FAAP20: variants seen among roughly 807,000 people sequenced by gnomAD.
The protein encoded by FAAP20 is Fanconi anemia core complex-associated protein 20.
Under a neutral mutation model 16.2 loss-of-function variants are expected in FAAP20, and 12 were observed. The observed-to-expected ratio is 0.74, with a 90% confidence interval of 0.48 to 1.20. FAAP20 has a LOEUF of 1.20. FAAP20 is among the 50% of genes most tolerant of loss of function. The pLI is 0.00. For synonymous variants in FAAP20, 141 were observed against 110.7 expected, an observed-to-expected ratio of 1.27 and a Z score of -1.72; for missense variants, 288 against 245.8, an observed-to-expected ratio of 1.17 and a Z score of -1.15.
chr1:2,184,503 A>G (rs928981675), downstream of FAAP20: 2 of 1,001,558 alleles, frequency 2.0e-6, no homozygotes, highest in Admixed American at 2.4e-5. Flanking sequence ...TCATTTTGTG[A>G]TTGAAGTGCG....
chr1:2,206,848 A>G (rs78462394), intron 1 of FAAP20, among the ~76,000 whole-genome samples: 1 of 149,592 alleles, frequency 6.7e-6, no homozygotes, highest in Non-Finnish European at 1.5e-5. Flanking sequence ...AAAAAAAAAA[A>G]GGCTCTGGGA....
rs1687921568 is a variant in FAAP20, at chr1:2,189,576, G to A, written c.*133C>T. The A allele has an allele frequency of 1.3e-6, 1 of 754,214 alleles. No individual in the cohort carries two copies. The highest frequency in any genetic ancestry group is 2.3e-6 in the Non-Finnish European group (1 of 426,518). 46.7% of individuals were successfully genotyped at this position (754,214 alleles called of 1,614,324 possible). ...CATCACAACACAGAGACAGACAGGA[G>A]CCCGCCCTGCTTTAATGCGCATGCG... On this transcript the variant is annotated 3_prime_UTR_variant, in exon 4 of 4. Transcript: ENST00000378546.
At chr1:2,187,590 T>C (rs1018426222), downstream of FAAP20, among the ~76,000 whole-genome samples, 2 of 152,154 alleles carry the variant, frequency 1.3e-5, no homozygotes, top group African/African-American at 2.4e-5. Flanking sequence ...AGGCGTGAGC[T>C]ACCGCGCCCG....
chr1:2,190,798 C>A (rs576199602), intron 3 of FAAP20: 5 of 239,828 alleles, frequency 2.1e-5, no homozygotes, highest in Middle Eastern at 1.6e-3. Flanking sequence ...GACACGTGTC[C>A]CTGTGTCCAC....
upstream of FAAP20, among the ~76,000 whole-genome samples, chr1:2,195,633 C>A (rs1688785209): frequency 6.6e-6 from 1 of 152,208 alleles, no homozygotes; most frequent in Non-Finnish European, 1.5e-5. Flanking sequence ...CTGTTCCTAC[C>A]CCTCACCTGG....
At chr1:2,186,283 G>A (rs1687577318), downstream of FAAP20, 1 of 279,354 alleles carries the variant, frequency 3.6e-6, no homozygotes, top group Non-Finnish European at 7.4e-6. Flanking sequence ...CCCAAGTTAG[G>A]AGGTCTGTGC....
chr1:2,192,454 G>A lies in FAAP20; in HGVS notation c.470+1185C>T, dbSNP rs536751860. ...AGCTCAAAATGGCAAGTTTTTCCTCGTGAACGTCCTTGTCTTCAGAAGTCT... is the reference window on the plus strand; with the variant it reads ...AGCTCAAAATGGCAAGTTTTTCCTCATGAACGTCCTTGTCTTCAGAAGTCT... On this transcript the variant is annotated intron_variant, in intron 3 of 3. Coordinates refer to ENST00000378546, the MANE Select transcript of FAAP20 (RefSeq NM_182533.4). 1.0e-5 allele frequency: 10 copies of A among 995,630 alleles called. No individual in the cohort carries two copies. The South Asian group carries it at 1.3e-4, about 13-fold the overall frequency. The allele number at this position is 995,630 out of a possible 1,614,324, so 61.7% of individuals were successfully genotyped here.
At chr1:2,199,285 A>C (rs1688948156), upstream of FAAP20, 1 of 1,066,074 alleles carries the variant, frequency 9.4e-7, no homozygotes, top group Non-Finnish European at 1.1e-6. This position sits in a 1 kb window ranked among gnomAD's most constrained non-coding sequence, Gnocchi z 4.5. Context: ...CCTGTCCTCC[A>C]TCCCCACGTG....
downstream of FAAP20, chr1:2,185,172 G>A: frequency 1.3e-6 from 1 of 744,034 alleles, no homozygotes; most frequent in Admixed American, 2.0e-5. Flanking sequence ...GCTGGGAGCA[G>A]AACAGTCCCT....
At chr1:2,187,301 T>C (rs1013648823), downstream of FAAP20, 2 of 407,164 alleles carry the variant, frequency 4.9e-6, no homozygotes, top group Non-Finnish European at 9.9e-6. Flanking sequence ...TTTTTTCTTT[T>C]TCTTTTTTTT....
intron 3 of FAAP20, among the ~76,000 whole-genome samples, chr1:2,206,066 G>T (rs1057396632): frequency 1.3e-5 from 2 of 152,368 alleles, no homozygotes; most frequent in Admixed American, 1.3e-4. Flanking sequence ...CATTACGTTC[G>T]CATGGCCACT....
rs544754432 is a variant in FAAP20, at chr1:2,189,598, T to TGCGGGGGAGCCGAGAGGCGGGGCTGCTG, written c.*83_*110dup. On this transcript the variant is annotated 3_prime_UTR_variant, in exon 4 of 4. Transcript: ENST00000378546. The stretch of plus-strand genomic sequence containing the variant: ...GGAGCCCGCCCTGCTTTAATGCGCA[T>TGCGGGGGAGCCGAGAGGCGGGGCTGCTG]GCGGGGGAGCCGAGAGGCGGGGCTG... The TGCGGGGGAGCCGAGAGGCGGGGCTGCTG allele has an allele frequency of 1.5e-3, 1,338 of 867,246 alleles. 11 individuals carry two copies. Among genetic ancestry groups the TGCGGGGGAGCCGAGAGGCGGGGCTGCTG allele is most frequent in the South Asian group, 1.6e-3 (119 of 73,552 alleles). The allele number at this position is 867,246 out of a possible 1,614,324, so 53.7% of individuals were successfully genotyped here. A position where few individuals can be genotyped will look rare whatever the true frequency, so the allele number is the denominator to read the frequency against.
downstream of FAAP20, among the ~76,000 whole-genome samples, chr1:2,207,324 C>T (rs897600652): frequency 6.6e-6 from 1 of 152,164 alleles, no homozygotes; most frequent in African/African-American, 2.4e-5. Flanking sequence ...TGGGCGTGGT[C>T]TGGTAGATAA....
downstream of FAAP20, among the ~76,000 whole-genome samples, chr1:2,208,460 T>G (rs115186881): frequency 7.2e-3 from 1,090 of 152,294 alleles, 13 homozygotes; most frequent in African/African-American, 0.025. Context: ...TAAACATTAC[T>G]CATGGCGACA....
intron 1 of FAAP20, 62 bp downstream of exon 1, chr1:2,194,626 G>A: frequency 1.0e-6 from 1 of 955,272 alleles, no homozygotes. Flanking sequence ...GCCCGCGGGG[G>A]CGCCGGGAAG....
At chr1:2,204,033 G>C (rs1344920476), upstream of FAAP20, among the ~76,000 whole-genome samples, 1 of 152,218 alleles carries the variant, frequency 6.6e-6, no homozygotes, top group East Asian at 1.9e-4. Flanking sequence ...AGCCCCTCCA[G>C]CCTGGGAGAG....
chr1:2,198,693 C>T, upstream of FAAP20: 7 of 1,250,462 alleles, frequency 5.6e-6, no homozygotes, highest in Non-Finnish European at 7.3e-6. Context: ...GGGCTGCCTC[C>T]ACCCCTTCCC....
chr1:2,195,605 T>C (rs1688783810), upstream of FAAP20, among the ~76,000 whole-genome samples: 1 of 152,182 alleles, frequency 6.6e-6, no homozygotes, highest in Non-Finnish European at 1.5e-5. Flanking sequence ...TGGGCACCCC[T>C]CCTGCAGGGC....
intron 3 of FAAP20, 187 bp from the exon 4 acceptor site, chr1:2,189,968 C>A (rs1687996251): frequency 4.7e-6 from 3 of 634,272 alleles, no homozygotes; most frequent in Non-Finnish European, 8.6e-6. Context: ...AGTGGTGTTT[C>A]CACACCGTGC....
Sources: gnomAD v4.1 joint callset for allele counts (sites outside exome capture counted in the v4.1 genomes callset) on GRCh38, gnomAD v4.1.1 for gene constraint, Gnocchi (gnomAD v3.1) non-coding constraint, MANE v1.5 for transcripts, NCBI Gene and HGNC (gene_info 2026-07-23, HGNC 2026-07-21) for gene names.